MAP3K6: variants seen among roughly 807,000 people sequenced by gnomAD.
MAP3K6 encodes the protein mitogen-activated protein kinase kinase kinase 6, also known as apoptosis signal-regulating kinase 2.
A neutral mutation model predicts 147.1 loss-of-function variants in MAP3K6; 105 were observed. The observed-to-expected ratio is 0.71, with a 90% CI of 0.61 to 0.84. MAP3K6 has a LOEUF of 0.84. Among genes scored for constraint, MAP3K6 ranks in the 40% least tolerant of loss-of-function variants. The pLI, the probability that MAP3K6 is intolerant of heterozygous loss-of-function variation, is 0.00. For missense variants in MAP3K6, 1,569 were observed against 1,715.0 expected, an observed-to-expected ratio of 0.91 and a Z score of 1.50; for synonymous variants, 695 against 732.4, an observed-to-expected ratio of 0.95 and a Z score of 0.82.
At position 27,366,262 on chromosome 1, in the gene MAP3K6, G is replaced by C. The variant is rs2015979521; in HGVS notation, c.336C>G (p.Asn112Lys). 6.0e-6 allele frequency: 8 copies of C among 1,330,506 alleles called. No homozygotes were observed. In the South Asian group the frequency reaches 1.3e-4, roughly 22 times the overall value. The allele number at this position is 1,330,506 out of a possible 1,614,324, so 82.4% of individuals were successfully genotyped here. Residue 112 changes from asparagine to lysine, a missense_variant, in exon 1 of 29, where the codon AAC (asparagine) becomes AAG (lysine). Asn to Lys is a moderately conservative substitution (Grantham distance 94). Transcript: ENST00000357582. This position sits in a 1 kb window ranked among gnomAD's most constrained non-coding sequence, Gnocchi z 5.5. ...GDTAALDAFY[N>K]ADVVVLEVSS... ...CCCCGCCCCCAGCGCTCTCACCCGC[G>C]TTGTAGAAGGCATCCAGAGCCGCGG...
Position 27,363,937 on chromosome 1 carries a change from G to T in MAP3K6, c.844C>A (p.Leu282Ile). 1.2e-6 allele frequency: 2 copies of T among 1,601,906 alleles called. No individual in the cohort carries two copies. Residue 282 changes from leucine to isoleucine, a missense_variant, in exon 5 of 29, where the codon CTC (leucine) becomes ATC (isoleucine). Leu to Ile is a conservative substitution (Grantham distance 5, BLOSUM62 2). Coordinates refer to ENST00000357582, the MANE Select transcript of MAP3K6 (RefSeq NM_004672.5). Reference sequence around the variant, plus strand: ...CGCACCTGCACATCGCGGTAGGAGAGCAGCAAGTTCATGATGATGTCGGGG... The same window carrying T: ...CGCACCTGCACATCGCGGTAGGAGATCAGCAAGTTCATGATGATGTCGGGG... ...LSPDIIMNLL[L>I]SYRDVQDYSA...
Position 27,360,696 on chromosome 1 carries a change from G to GC in MAP3K6, c.2054+8dup, listed in dbSNP as rs759904128. ...CCCTCAGCCCCACCCGCGCTGCCAC[G>GC]CACCGCACCTGCTGTCCCGCTCCGG... On this transcript the variant is annotated intron_variant, in intron 15 of 28. Transcript: ENST00000357582. This position sits in a 1 kb window ranked among gnomAD's most constrained non-coding sequence, Gnocchi z 4.5. 18 of 1,607,294 alleles carry GC rather than the reference G, an allele frequency of 1.1e-5. No individual in the cohort carries two copies. Among genetic ancestry groups the GC allele is most frequent in the Non-Finnish European group, 1.4e-5 (17 of 1,177,522 alleles).
Position 27,360,429 on chromosome 1 carries a change from C to G in MAP3K6, c.2055-61G>C. On this transcript the variant is annotated intron_variant, in intron 15 of 28. Coordinates refer to ENST00000357582, the MANE Select transcript of MAP3K6 (RefSeq NM_004672.5). This position sits in a 1 kb window ranked among gnomAD's most constrained non-coding sequence, Gnocchi z 4.5. ...GGTGGGCAGAGAAGCCCCGCCCATC[C>G]CACGCCAGCCTGGCCCCGCCCCAAG... is the stretch of plus-strand genomic sequence containing the variant. The G allele has an allele frequency of 6.4e-7, 1 of 1,558,272 alleles. No individual in the cohort carries two copies. The highest frequency in any genetic ancestry group is 8.7e-7 in the Non-Finnish European group (1 of 1,150,296).
In MAP3K6 at chr1:27,357,776, C is replaced by T; in HGVS notation, c.3016G>A (p.Ala1006Thr). 1.9e-6 allele frequency: 3 copies of T among 1,610,530 alleles called. No homozygotes were observed. Among genetic ancestry groups the T allele is most frequent in the South Asian group, 1.1e-5 (1 of 90,722 alleles). ...GCTGGCAGCTCCTGCTCCAATACTG[C>T]GGCCAGCATGGCCCGACGCTTGCTC... ...QESKRRAMLA[A>T]VLEQELPALA... The change falls in exon 22 of 29, where the codon GCA becomes ACA. Residue 1006 changes from alanine (A) to threonine (T), a missense_variant. Ala to Thr is a moderately conservative substitution (Grantham distance 58). Transcript: ENST00000357582.
chr1:27,357,266 C>T (rs2015562905), intron 23 of MAP3K6, 134 bp downstream of exon 23: 1 of 1,345,298 alleles, frequency 7.4e-7, no homozygotes, highest in South Asian at 1.4e-5. Context: ...ACTGGGCAGA[C>T]GGTTTTTTGC....
chr1:27,361,711 C>T lies in MAP3K6; in HGVS notation c.1572G>A (p.Gln524=). The T allele has an allele frequency of 1.9e-6, 3 of 1,613,444 alleles. No individual in the cohort carries two copies. Among genetic ancestry groups the T allele is most frequent in the South Asian group, 1.1e-5 (1 of 91,036 alleles). Residue 524 remains glutamine (Q), a synonymous_variant, in exon 10 of 29, where the codon CAG becomes CAA. Transcript: ENST00000357582. ...PFKTACAQGD[Q]CLVLVLEMNK... ...CCACCCCTACAGGCCTCACCAAGCA[C>T]TGGTCGCCCTGGGCACAGGCTGTCT...
rs763917632 is a variant in MAP3K6 at position 27,359,456 on chromosome 1, G to C, written c.2386C>G (p.Arg796Gly). Residue 796 changes from arginine (R) to glycine (G), a missense_variant, in exon 18 of 29, where the codon CGG becomes GGG. Arg to Gly is a moderately radical substitution (Grantham distance 125). Coordinates refer to ENST00000357582, the MANE Select transcript of MAP3K6 (RefSeq NM_004672.5). This position sits in a 1 kb window ranked among gnomAD's most constrained non-coding sequence, Gnocchi z 4.4. ...LKISDFGTSKRLAGITPCTET... is the reference protein window; with the variant it reads ...LKISDFGTSKGLAGITPCTET... ...GTGCAAGGTGTGATGCCTGCCAGCC[G>C]CTTGGAGGTGCCGAAGTCAGAAATC... 3.7e-6 allele frequency: 6 copies of C among 1,614,104 alleles called. No individual in the cohort carries two copies. The highest frequency in any genetic ancestry group is 5.1e-6 in the Non-Finnish European group (6 of 1,180,012).
At position 27,364,010 on chromosome 1, in the gene MAP3K6, C is replaced by T; in HGVS notation, c.771G>A (p.Gln257=). Residue 257 remains glutamine (Q), a synonymous_variant, in exon 5 of 29, where the codon CAG becomes CAA. Coordinates refer to ENST00000357582, the MANE Select transcript of MAP3K6 (RefSeq NM_004672.5). This position sits in a 1 kb window ranked among gnomAD's most constrained non-coding sequence, Gnocchi z 4.4. ...GTCTCCGCTGCAGGCGAGCCAGCTCCTGCCGCAGCTGTGGCCCACTGAACC... is the reference window on the plus strand; with the variant it reads ...GTCTCCGCTGCAGGCGAGCCAGCTCTTGCCGCAGCTGTGGCCCACTGAACC... ...RERFSGPQLR[Q]ELARLQRRLD... is the part of the protein sequence containing the mutation. 6.2e-7 allele frequency: 1 copy of T among 1,612,220 alleles called. No individual in the cohort carries two copies.
In MAP3K6 at chr1:27,366,236, G is replaced by A. The variant is rs865909918; in HGVS notation, c.340+22C>T. On this transcript the variant is annotated intron_variant, in intron 1 of 28. Transcript: ENST00000357582. The surrounding 1 kb of genome is among the most constrained non-coding windows in gnomAD (Gnocchi z 5.5). ...GGACCCTGAGTCCCGCCCGGATCCGGCCCCGCCCCCAGCGCTCTCACCCGC... is the reference window on the plus strand; with the variant it reads ...GGACCCTGAGTCCCGCCCGGATCCGACCCCGCCCCCAGCGCTCTCACCCGC... 5 of 1,297,006 alleles carry A rather than the reference G, an allele frequency of 3.9e-6. No individual in the cohort carries two copies. Among genetic ancestry groups the A allele is most frequent in the Middle Eastern group, 2.9e-4 (1 of 3,432 alleles). 80.3% of individuals were successfully genotyped at this position (1,297,006 alleles called of 1,614,324 possible). A position where few individuals can be genotyped will look rare whatever the true frequency, so the allele number is the denominator to read the frequency against.
At chr1:27,361,981 T>C in intron 9 of MAP3K6, 110 bp downstream of exon 9, 11 of 1,521,012 alleles carry the variant, frequency 7.2e-6, no homozygotes, top group Non-Finnish European at 9.7e-6. Context: ...CGGGCACTGG[T>C]CTAAAAGCAG....
rs755632728 is a variant in MAP3K6 at position 27,356,591 on chromosome 1, G to C, written c.3523C>G (p.Arg1175Gly). The C allele has an allele frequency of 5.0e-6, 8 of 1,612,298 alleles. No individual in the cohort carries two copies. Among genetic ancestry groups the C allele is most frequent in the South Asian group, 3.3e-5 (3 of 90,858 alleles). Reference sequence around the variant, plus strand: ...ATGAGCGATTCCAAGGGGCTTTACCGATCAGTCTCTGCCCTCAAGAGGCTC... The same window carrying C: ...ATGAGCGATTCCAAGGGGCTTTACCCATCAGTCTCTGCCCTCAAGAGGCTC... The part of the protein sequence containing the change: ...QLSLLRAETD[R>G]LREILAGKER... The change falls in exon 25 of 29, where the codon CGG (arginine) becomes GGG (glycine). Residue 1175 changes from arginine (R) to glycine (G), a missense_variant and splice_region_variant. Physicochemically the swap from Arg to Gly is moderately radical, Grantham distance 125. Coordinates refer to ENST00000357582, the MANE Select transcript of MAP3K6 (RefSeq NM_004672.5).
Position 27,360,856 on chromosome 1 carries a change from A to C in MAP3K6, c.1921-18T>G. ...TAATCAAACTGCCGGGCGCGGGGTG[A>C]GATGGGAGTTCAGCAGGGCCCGCGG... is the stretch of plus-strand genomic sequence containing the variant. On this transcript the variant is annotated intron_variant, in intron 14 of 28. Coordinates refer to ENST00000357582, the MANE Select transcript of MAP3K6 (RefSeq NM_004672.5). This position sits in a 1 kb window ranked among gnomAD's most constrained non-coding sequence, Gnocchi z 4.5. 6.2e-7 allele frequency: 1 copy of C among 1,612,270 alleles called. No individual in the cohort carries two copies. Among genetic ancestry groups the C allele is most frequent in the Non-Finnish European group, 8.5e-7 (1 of 1,179,650 alleles).
chr1:27,355,601 A>G (rs2015490877), intron 28 of MAP3K6, 68 bp downstream of exon 28: 1 of 1,592,818 alleles, frequency 6.3e-7, no homozygotes, highest in Admixed American at 1.7e-5. Context: ...GAAGGAACCT[A>G]GGCAGGCCTG....
Position 27,361,177 on chromosome 1 carries a change from G to A in MAP3K6, c.1812C>T (p.Pro604=), listed in dbSNP as rs1352875966. 1 of 1,611,930 alleles carries A rather than the reference G, an allele frequency of 6.2e-7. No homozygotes were observed. The highest frequency in any genetic ancestry group is 8.5e-7 in the Non-Finnish European group (1 of 1,179,452). The change falls in exon 13 of 29, where the codon CCC becomes CCT. Residue 604 remains proline, a synonymous_variant. Coordinates refer to ENST00000357582, the MANE Select transcript of MAP3K6 (RefSeq NM_004672.5). ...PPAQDVQLCF[P]SVGHCQWFCG... ...CGCACCACTGGCAGTGCCCTACGCTGGGGAAGCACAGCTGGACGTCCTGAG... is the reference window on the plus strand; with the variant it reads ...CGCACCACTGGCAGTGCCCTACGCTAGGGAAGCACAGCTGGACGTCCTGAG...
At position 27,364,866 on chromosome 1, in the gene MAP3K6, C is replaced by A; in HGVS notation, c.387G>T (p.Leu129=). ...EVSSSLVQPS[L]FYHLGVRESF... ...TCTCACGCACACCAAGGTGGTAGAA[C>A]AGGGAGGGCTGTACCAGCGAGCTGC... is the stretch of plus-strand genomic sequence containing the variant. Residue 129 remains leucine, a synonymous_variant, in exon 2 of 29, where the codon CTG becomes CTT. Transcript: ENST00000357582. This position sits in a 1 kb window ranked among gnomAD's most constrained non-coding sequence, Gnocchi z 4.4. 1 of 1,610,826 alleles carries A rather than the reference C, an allele frequency of 6.2e-7. No individual in the cohort carries two copies. The highest frequency in any genetic ancestry group is 8.5e-7 in the Non-Finnish European group (1 of 1,177,552).
At position 27,362,840 on chromosome 1, in the gene MAP3K6, G is replaced by A. The variant is rs2015830273; in HGVS notation, c.1142+11C>T. 6 of 1,613,534 alleles carry A rather than the reference G, an allele frequency of 3.7e-6. No individual in the cohort carries two copies. The highest frequency in any genetic ancestry group is 5.1e-6 in the Non-Finnish European group (6 of 1,179,822). On this transcript the variant is annotated intron_variant, in intron 7 of 28. Coordinates refer to ENST00000357582, the MANE Select transcript of MAP3K6 (RefSeq NM_004672.5). Reference sequence around the variant, plus strand: ...CAGCTTAGCCCACCGGCCACTCACTGTGCTCTTTACCAGTGATAGGCCTGC... The same window carrying A: ...CAGCTTAGCCCACCGGCCACTCACTATGCTCTTTACCAGTGATAGGCCTGC...
intron 5 of MAP3K6, 47 bp from the exon 6 acceptor site, chr1:27,363,595 C>A: frequency 7.0e-7 from 1 of 1,438,670 alleles, no homozygotes; most frequent in Non-Finnish European, 9.5e-7. Flanking sequence ...CTCCAGGCCC[C>A]AAGGAACCTT....
At position 27,359,862 on chromosome 1, in the gene MAP3K6, A is replaced by C. The variant is rs140977356; in HGVS notation, c.2315T>G (p.Ile772Arg). ...CGGGCCAGCCCCAGGGCTTACTTTTATGTCCCTGTGCACGATGTGGTTGTC... is the reference window on the plus strand; with the variant it reads ...CGGGCCAGCCCCAGGGCTTACTTTTCTGTCCCTGTGCACGATGTGGTTGTC... ...LHDNHIVHRD[I>R]KGDNVLINTF... Residue 772 changes from isoleucine (I) to arginine (R), a missense_variant, in exon 17 of 29, where the codon ATA (isoleucine) becomes AGA (arginine). By Grantham distance (97) the Ile-to-Arg change is moderately conservative. Coordinates refer to ENST00000357582, the MANE Select transcript of MAP3K6 (RefSeq NM_004672.5). The surrounding 1 kb of genome is among the most constrained non-coding windows in gnomAD (Gnocchi z 4.4). 1.8e-5 allele frequency: 29 copies of C among 1,613,978 alleles called. No individual in the cohort carries two copies. Among genetic ancestry groups the C allele is most frequent in the Non-Finnish European group, 2.3e-5 (27 of 1,179,970 alleles).
chr1:27,365,877 G>A (rs988207682), intron 1 of MAP3K6, among the ~76,000 whole-genome samples: 1 of 151,774 alleles, frequency 6.6e-6, no homozygotes, highest in Non-Finnish European at 1.5e-5. Context: ...TTCTCCTGAG[G>A]GTGAGGCTGA....
Sources: allele counts gnomAD v4.1 joint callset (sites outside exome capture counted in the v4.1 genomes callset), GRCh38; gene constraint gnomAD v4.1.1; non-coding constraint Gnocchi (gnomAD v3.1); transcripts MANE v1.5; gene names NCBI Gene and HGNC (gene_info 2026-07-23, HGNC 2026-07-21).